The following DPP10 variants were observed in gnomAD, a reference collection of about 807,000 sequenced individuals.
DPP10 encodes dipeptidyl peptidase like 10.
Under a neutral mutation model 120.9 loss-of-function variants are expected in DPP10, and 33 were observed. The observed-to-expected ratio is 0.27, with a 90% CI of 0.21 to 0.37. The LOEUF (loss-of-function observed/expected upper bound fraction) is 0.37, where lower values mean the gene tolerates loss of function less well. DPP10 is among the 10% of genes least tolerant of loss of function. DPP10 has a pLI of 1.00. For missense variants in DPP10, 816 were observed against 942.8 expected (o/e 0.87, Z 1.76); for synonymous variants, 337 against 326.1 (o/e 1.03, Z -0.36).
intron 1 of DPP10, among the ~76,000 whole-genome samples, chr2:114,829,853 C>T (rs1686924551): frequency 6.6e-6 from 1 of 152,156 alleles, no homozygotes; most frequent in Non-Finnish European, 1.5e-5. Context: ...CTATGCGTTT[C>T]CTTAAAAGAA....
intron 1 of DPP10, among the ~76,000 whole-genome samples, chr2:114,684,926 C>A (rs544495224): frequency 1.3e-5 from 2 of 151,814 alleles, no homozygotes; most frequent in Non-Finnish European, 2.9e-5. Flanking sequence ...GAAGTGGCTG[C>A]GGCTGATTGT....
intron 16 of DPP10, 40 bp downstream of exon 16, chr2:115,781,035 C>T (rs746679159): frequency 6.8e-7 from 1 of 1,477,978 alleles, no homozygotes; most frequent in South Asian, 1.3e-5. Context: ...ATATTTTATT[C>T]ATTGTATTTG....
chr2:114,606,784 T>G (rs111377327), intron 1 of DPP10, among the ~76,000 whole-genome samples: 1,672 of 152,310 alleles, frequency 0.011, 44 homozygotes, highest in African/African-American at 0.038. Flanking sequence ...GTTCTTGATA[T>G]GTATTTAAAC....
chr2:115,146,207 T>C (rs1573778203), intron 1 of DPP10, among the ~76,000 whole-genome samples: 2 of 152,070 alleles, frequency 1.3e-5, no homozygotes, highest in South Asian at 2.1e-4. Context: ...CCGAATCCCA[T>C]ACTTCAAACC....
At chr2:115,525,562 A>T (rs1390651612) in intron 4 of DPP10, among the ~76,000 whole-genome samples, 1 of 152,098 alleles carries the variant, frequency 6.6e-6, no homozygotes, top group African/African-American at 2.4e-5. Flanking sequence ...TGATTAATCT[A>T]GCATGCAAAT....
intron 8 of DPP10, among the ~76,000 whole-genome samples, chr2:115,730,644 A>G (rs2092883195): frequency 1.3e-5 from 2 of 152,154 alleles, no homozygotes; most frequent in South Asian, 4.1e-4. Context: ...TTTTAAGGAG[A>G]GAAATTAGAG....
rs151192285 is a variant in DPP10 at position 115,364,363 on chromosome 2, C to T, written c.271+20451C>T. Among the ~76,000 whole-genome samples, 92 of 152,088 alleles carry T rather than the reference C, an allele frequency of 6.0e-4. 1 individual carries two copies. The highest frequency in any genetic ancestry group is 2.0e-3 in the African/African-American group (85 of 41,506). ...AAAAGCTCTGGTTTTGTTTTCGTGC[C>T]AGCATATTACCTCACCACACTATCA... On this transcript the variant is annotated intron_variant, in intron 3 of 25. Transcript: ENST00000410059.
At chr2:114,614,688 G>C (rs1162134436) in intron 1 of DPP10, among the ~76,000 whole-genome samples, 1 of 152,094 alleles carries the variant, frequency 6.6e-6, no homozygotes, top group East Asian at 1.9e-4. Context: ...GGATACTCCG[G>C]GAAGTTCCAA....
At chr2:115,414,057 T>C (rs575090408) in intron 3 of DPP10, among the ~76,000 whole-genome samples, 88 of 152,238 alleles carry the variant, frequency 5.8e-4, no homozygotes, top group African/African-American at 2.0e-3. Flanking sequence ...AGCCTTTAGC[T>C]TCTCCCGTCT....
intron 1 of DPP10, among the ~76,000 whole-genome samples, chr2:114,579,321 T>C (rs953573577): frequency 3.9e-5 from 6 of 152,182 alleles, no homozygotes; most frequent in Non-Finnish European, 2.9e-5. Context: ...GGCTTGATTG[T>C]TTTCCACTTG....
chr2:115,804,162 A>G (rs979884447), intron 19 of DPP10, among the ~76,000 whole-genome samples: 3 of 151,856 alleles, frequency 2.0e-5, no homozygotes, highest in Non-Finnish European at 2.9e-5. Flanking sequence ...ACTTCTCTTC[A>G]TGCTTCATTT....
chr2:115,374,090 T>C (rs918142955), intron 3 of DPP10, among the ~76,000 whole-genome samples: 1 of 152,028 alleles, frequency 6.6e-6, no homozygotes, highest in Non-Finnish European at 1.5e-5. Context: ...CCAAACCGTA[T>C]CTTTCTGCCA....
intron 1 of DPP10, among the ~76,000 whole-genome samples, chr2:114,489,863 T>A (rs1204779855): frequency 6.6e-6 from 1 of 152,194 alleles, no homozygotes; most frequent in Non-Finnish European, 1.5e-5. Context: ...GCTGTGTCCT[T>A]CAGCAAGTTT....
intron 1 of DPP10, among the ~76,000 whole-genome samples, chr2:115,127,548 G>T (rs547117641): frequency 1.4e-4 from 22 of 152,222 alleles, no homozygotes; most frequent in Non-Finnish European, 2.9e-4. Flanking sequence ...AAATATCTGT[G>T]TTTCTATCAA....
intron 1 of DPP10, among the ~76,000 whole-genome samples, chr2:114,575,884 C>T (rs1690011291): frequency 6.6e-6 from 1 of 152,108 alleles, no homozygotes; most frequent in Admixed American, 6.5e-5. Flanking sequence ...CCACCCCCTC[C>T]ACTTATTCTG....
At chr2:114,947,374 T>A (rs1267630293) in intron 1 of DPP10, among the ~76,000 whole-genome samples, 1 of 151,830 alleles carries the variant, frequency 6.6e-6, no homozygotes, top group African/African-American at 2.4e-5. Flanking sequence ...CATCGATGAA[T>A]CTCTTGGTGT....
chr2:115,126,377 C>T (rs1318831944), intron 1 of DPP10, among the ~76,000 whole-genome samples: 1 of 152,184 alleles, frequency 6.6e-6, no homozygotes, highest in African/African-American at 2.4e-5. Context: ...GCCAATATTA[C>T]AAGCGTGAGC....
At chr2:115,038,721 T>C (rs1373293865) in intron 1 of DPP10, among the ~76,000 whole-genome samples, 1 of 152,192 alleles carries the variant, frequency 6.6e-6, no homozygotes, top group African/African-American at 2.4e-5. Context: ...CATTTAACTG[T>C]CACAACCCTG....
chr2:115,132,856 C>CCT (rs1254334927), intron 1 of DPP10, among the ~76,000 whole-genome samples: 1 of 152,042 alleles, frequency 6.6e-6, no homozygotes, highest in East Asian at 1.9e-4. Flanking sequence ...TGAAAAACTC[C>CCT]TGTTCCTTTA....
Sources: allele counts gnomAD v4.1 joint callset (sites outside exome capture counted in the v4.1 genomes callset), GRCh38; gene constraint gnomAD v4.1.1; transcripts MANE v1.5; gene names NCBI Gene and HGNC (gene_info 2026-07-23, HGNC 2026-07-21).